Variants in CFAP77 observed in about 807,000 individuals in gnomAD.
CFAP77 encodes cilia and flagella associated protein 77, also known as cilia- and flagella-associated protein 77.
In CFAP77, 25 loss-of-function variants were observed where a neutral mutation model predicts 31.1. That is an observed-to-expected ratio of 0.80 (90% confidence interval 0.59 to 1.12). CFAP77 has a LOEUF of 1.12. Among genes scored for constraint, CFAP77 ranks in the 50% most tolerant of loss-of-function variants. CFAP77 has a pLI of 0.00. For missense variants in CFAP77, 377 were observed against 397.3 expected (o/e 0.95, Z 0.44); for synonymous variants, 151 against 159.9 (o/e 0.94, Z 0.42).
In CFAP77 at chr9:132,554,911, T is replaced by C. The variant is rs962600243; in HGVS notation, c.732+11864T>C. Among the ~76,000 whole-genome samples the C allele has an allele frequency of 1.5e-5, 2 of 133,482 alleles. No homozygotes were observed. The highest frequency in any genetic ancestry group is 3.4e-5 in the Non-Finnish European group (2 of 59,084). The allele number at this position is 133,482 out of a possible 152,430, so 87.6% of individuals were successfully genotyped here. ...AACCATCTATCTATCCATCCATCTA[T>C]GCATGCATGCATGCATCCATCCATC... On this transcript the variant is annotated intron_variant, in intron 5 of 5. Coordinates refer to ENST00000393216, the MANE Select transcript of CFAP77 (RefSeq NM_001282957.2). The surrounding 1 kb of genome is among the most constrained non-coding windows in gnomAD (Gnocchi z 4.1).
At chr9:132,474,094 T>C (rs1235030329) in intron 1 of CFAP77, among the ~76,000 whole-genome samples, 2 of 152,186 alleles carry the variant, frequency 1.3e-5, no homozygotes, top group South Asian at 4.1e-4. Flanking sequence ...CCTGCATGTG[T>C]CAAAAACTGT....
At chr9:132,538,524 G>A (rs533189997) in intron 4 of CFAP77, among the ~76,000 whole-genome samples, 5 of 152,216 alleles carry the variant, frequency 3.3e-5, no homozygotes, top group East Asian at 3.9e-4. Context: ...GGTGGCTCAC[G>A]CCTGTAATCC....
chr9:132,463,291 A>G lies in CFAP77; in HGVS notation c.196-35404A>G, dbSNP rs74719142. ...TTAAGCTCCAGAATTATGTGCACATATATACAAACATGTTCTTGCGGTGTG... is the reference window on the plus strand; with the variant it reads ...TTAAGCTCCAGAATTATGTGCACATGTATACAAACATGTTCTTGCGGTGTG... On this transcript the variant is annotated intron_variant, in intron 1 of 5. Transcript: ENST00000393216. Among the ~76,000 whole-genome samples, 1,396 of 152,302 alleles carry G rather than the reference A, an allele frequency of 9.2e-3. 25 individuals are homozygous for G. Among genetic ancestry groups the G allele is most frequent in the African/African-American group, 0.032 (1,324 of 41,564 alleles).
intron 3 of CFAP77, among the ~76,000 whole-genome samples, chr9:132,512,441 G>A (rs1443292014): frequency 6.6e-6 from 1 of 152,192 alleles, no homozygotes; most frequent in Non-Finnish European, 1.5e-5. Context: ...ACATCTTTTG[G>A]TGGTGGAGGG....
rs1852601246 is a variant in CFAP77 at position 132,539,385 on chromosome 9, G to A, written c.630+1679G>A. On this transcript the variant is annotated intron_variant, in intron 4 of 5. Transcript: ENST00000393216. This position sits in a 1 kb window ranked among gnomAD's most constrained non-coding sequence, Gnocchi z 4.3. ...GCATTTAGTTCTCTGAGAATGCCCT[G>A]AGGTCAGTCTCTCCTCCTATCATCT... 6.6e-6 allele frequency among the ~76,000 whole-genome samples: 1 copy of A among 152,130 alleles called. No homozygotes were observed. The highest frequency in any genetic ancestry group is 6.5e-5 in the Admixed American group (1 of 15,268).
chr9:132,443,135 G>A (rs778645003), intron 1 of CFAP77, among the ~76,000 whole-genome samples: 2 of 151,806 alleles, frequency 1.3e-5, no homozygotes, highest in Non-Finnish European at 2.9e-5. Context: ...GTATCAGTAC[G>A]TCATTCCTTT....
chr9:132,559,770 C>T (rs1254085408), intron 5 of CFAP77, among the ~76,000 whole-genome samples: 1 of 152,178 alleles, frequency 6.6e-6, no homozygotes, highest in African/African-American at 2.4e-5. Context: ...AAAGTGGAAA[C>T]AACCCAAGGT....
rs1178281920 is a variant in CFAP77 at position 132,486,090 on chromosome 9, ATTT to A, written c.196-12587_196-12585del. 9.2e-3 allele frequency among the ~76,000 whole-genome samples: 141 copies of A among 15,344 alleles called. 9 individuals are homozygous for A. The highest frequency in any genetic ancestry group is 0.019 in the South Asian group (7 of 368). 10.1% of individuals were successfully genotyped at this position (15,344 alleles called of 152,430 possible). ...TGTATATATATATATATATATATAT[ATTT>A]TTTTTTTTTTTTTTTTTGAGACGGA... On this transcript the variant is annotated intron_variant, in intron 1 of 5. Transcript: ENST00000393216.
intron 5 of CFAP77, among the ~76,000 whole-genome samples, chr9:132,556,215 C>T (rs906960934): frequency 6.6e-6 from 1 of 152,200 alleles, no homozygotes; most frequent in African/African-American, 2.4e-5. Flanking sequence ...AGCAGGGCCT[C>T]CGTCGACACA....
At chr9:132,518,989 G>A (rs182624944) in intron 3 of CFAP77, among the ~76,000 whole-genome samples, 9 of 152,244 alleles carry the variant, frequency 5.9e-5, no homozygotes, top group African/African-American at 1.4e-4. Flanking sequence ...GTAAAGTGAG[G>A]ATATTGATAT....
chr9:132,506,780 A>C (rs1369304898), intron 3 of CFAP77, among the ~76,000 whole-genome samples: 1 of 152,144 alleles, frequency 6.6e-6, no homozygotes, highest in Non-Finnish European at 1.5e-5. Flanking sequence ...AGTTAGCTCA[A>C]GTGAGTACAA....
intron 1 of CFAP77, among the ~76,000 whole-genome samples, chr9:132,438,541 A>ATATATATATATATATATATATATTTTTTT: frequency 2.8e-5 from 3 of 108,148 alleles, no homozygotes; most frequent in African/African-American, 8.2e-5. Flanking sequence ...ATATATATAT[A>ATATATATATATATATATATATATTTTTTT]TTTTTTTTTT....
At chr9:132,451,887 TTC>T (rs1850834148) in intron 1 of CFAP77, among the ~76,000 whole-genome samples, 1 of 150,714 alleles carries the variant, frequency 6.6e-6, no homozygotes, top group South Asian at 2.1e-4. Flanking sequence ...TCACTGCAAC[TTC>T]CGCCTCCTGG....
intron 5 of CFAP77, among the ~76,000 whole-genome samples, chr9:132,549,466 A>C (rs901943064): frequency 6.6e-6 from 1 of 152,164 alleles, no homozygotes; most frequent in Non-Finnish European, 1.5e-5. Context: ...GATGGAGTTG[A>C]CACTTCCTCT....
intron 3 of CFAP77, chr9:132,513,342 A>G: frequency 6.5e-7 from 1 of 1,544,928 alleles, no homozygotes; most frequent in Non-Finnish European, 8.7e-7. Flanking sequence ...CACGCTAACC[A>G]TCTGGCCGCT....
intron 1 of CFAP77, among the ~76,000 whole-genome samples, chr9:132,468,733 A>ATAT (rs1851199033): frequency 1.3e-5 from 2 of 152,102 alleles, no homozygotes; most frequent in Non-Finnish European, 2.9e-5. Context: ...ATATCCCAGG[A>ATAT]CCTTTCACAT....
chr9:132,447,658 CCT>C (rs1438426881), intron 1 of CFAP77, among the ~76,000 whole-genome samples: 2 of 152,222 alleles, frequency 1.3e-5, no homozygotes, highest in African/African-American at 4.8e-5. Flanking sequence ...ACCTAACACT[CCT>C]CTCAAATACA....
chr9:132,510,309 C>T (rs1852013602), intron 3 of CFAP77, among the ~76,000 whole-genome samples: 1 of 152,246 alleles, frequency 6.6e-6, no homozygotes, highest in Non-Finnish European at 1.5e-5. Context: ...AGGGGCACAG[C>T]GAAAGCCCTT....
rs551261039 is a variant in CFAP77 at position 132,436,968 on chromosome 9, C to T, written c.195+26502C>T. Among the ~76,000 whole-genome samples the T allele has an allele frequency of 7.2e-5, 11 of 152,210 alleles. No individual in the cohort carries two copies. The South Asian group carries it at 1.7e-3, about 23-fold the overall frequency. ...ATAGGGGCTGGATTTTCCCCCCACC[C>T]CTACTTTACAATTTCTGTTATGAGG... On this transcript the variant is annotated intron_variant, in intron 1 of 5. Coordinates refer to ENST00000393216, the MANE Select transcript of CFAP77 (RefSeq NM_001282957.2).
Sources: gnomAD v4.1 joint callset for allele counts (sites outside exome capture counted in the v4.1 genomes callset) on GRCh38, gnomAD v4.1.1 for gene constraint, Gnocchi (gnomAD v3.1) non-coding constraint, MANE v1.5 for transcripts, NCBI Gene and HGNC (gene_info 2026-07-23, HGNC 2026-07-21) for gene names.